Variants in ETS1 observed in about 807,000 individuals in gnomAD.
ETS1 encodes ETS proto-oncogene 1, transcription factor, also known as protein C-ets-1.
Under a neutral mutation model 58.6 loss-of-function variants are expected in ETS1, and 15 were observed. The observed-to-expected ratio is 0.26, with a 90% CI of 0.17 to 0.39. The LOEUF (loss-of-function observed/expected upper bound fraction) is 0.39, where lower values mean the gene tolerates loss of function less well. ETS1 is among the 10% of genes least tolerant of loss of function. The probability of loss-of-function intolerance (pLI) is 1.00; values close to 1 mark genes in which losing one functional copy is unlikely to be tolerated. For missense variants in ETS1, 417 were observed against 610.5 expected, an observed-to-expected ratio of 0.68 and a Z score of 3.34; for synonymous variants, 214 against 218.2, an observed-to-expected ratio of 0.98 and a Z score of 0.17.
chr11:128,569,780 T>C lies in ETS1; in HGVS notation c.69+3282A>G, dbSNP rs1036016279. Among the ~76,000 whole-genome samples, 195 of 152,330 alleles carry C rather than the reference T, an allele frequency of 1.3e-3. 1 individual carries two copies. The highest frequency in any genetic ancestry group is 4.5e-3 in the African/African-American group (186 of 41,570). On this transcript the variant is annotated intron_variant, in intron 2 of 9. Coordinates refer to ENST00000392668, the MANE Select transcript of ETS1 (RefSeq NM_001143820.2). Reference sequence around the variant, plus strand: ...TCTTTGCTTGCTCTGGAAGGTTGCCTAAATCGTTTCAGGGACAGAGAAACT... The same window carrying C: ...TCTTTGCTTGCTCTGGAAGGTTGCCCAAATCGTTTCAGGGACAGAGAAACT...
At chr11:128,533,018 C>T (rs1054459795) in intron 3 of ETS1, among the ~76,000 whole-genome samples, 2 of 152,152 alleles carry the variant, frequency 1.3e-5, no homozygotes, top group Non-Finnish European at 2.9e-5. Context: ...TAGTGATAGA[C>T]AAGCCAATGT....
At chr11:128,516,676 C>G (rs544067646) in intron 3 of ETS1, among the ~76,000 whole-genome samples, 1 of 152,062 alleles carries the variant, frequency 6.6e-6, no homozygotes, top group South Asian at 2.1e-4. Flanking sequence ...TGTGCCAGGA[C>G]AACTCCAGAC....
chr11:128,577,836 G>A (rs1383321240), intron 1 of ETS1, among the ~76,000 whole-genome samples: 1 of 151,522 alleles, frequency 6.6e-6, no homozygotes, highest in Non-Finnish European at 1.5e-5. Context: ...ATAAACGTGT[G>A]CAATGCTAAG....
At chr11:128,485,968 T>A in intron 6 of ETS1, 101 bp downstream of exon 6, 1 of 722,420 alleles carries the variant, frequency 1.4e-6, no homozygotes, top group South Asian at 1.7e-5. Context: ...AAGATATTAT[T>A]TTTGATAGAA....
intron 5 of ETS1, among the ~76,000 whole-genome samples, chr11:128,487,439 G>A (rs1406550807): frequency 6.6e-6 from 1 of 152,150 alleles, no homozygotes; most frequent in Non-Finnish European, 1.5e-5. Context: ...TAAATTTTAA[G>A]TTAAATAAAA....
intron 2 of ETS1, among the ~76,000 whole-genome samples, chr11:128,567,103 G>A (rs1476818663): frequency 6.6e-6 from 1 of 152,244 alleles, no homozygotes; most frequent in Non-Finnish European, 1.5e-5. Flanking sequence ...GAGCTGCTCT[G>A]AGGGCCGTGG....
intron 2 of ETS1, among the ~76,000 whole-genome samples, chr11:128,566,053 C>T (rs1401318536): frequency 1.3e-5 from 2 of 152,172 alleles, no homozygotes; most frequent in Non-Finnish European, 2.9e-5. Context: ...GATAAGAAAA[C>T]GAGGTCTGTT....
At chr11:128,513,550 T>C (rs1863444001) in intron 3 of ETS1, among the ~76,000 whole-genome samples, 1 of 152,218 alleles carries the variant, frequency 6.6e-6, no homozygotes, top group Admixed American at 6.5e-5. Context: ...GTCTTCCTTA[T>C]CATCTGTGAT....
chr11:128,554,654 A>G (rs1864285393), intron 3 of ETS1, among the ~76,000 whole-genome samples: 1 of 152,176 alleles, frequency 6.6e-6, no homozygotes, highest in African/African-American at 2.4e-5. Flanking sequence ...TCTTCAGGCT[A>G]TGAGCAAATG....
chr11:128,513,290 A>T (rs1320674683), intron 3 of ETS1, among the ~76,000 whole-genome samples: 1 of 152,210 alleles, frequency 6.6e-6, no homozygotes, highest in Non-Finnish European at 1.5e-5. Context: ...TGTTACCTAA[A>T]GTCATAAGAT....
chr11:128,485,128 G>C, intron 6 of ETS1, 57 bp from the exon 7 acceptor site: 11 of 1,524,074 alleles, frequency 7.2e-6, no homozygotes, highest in Non-Finnish European at 9.0e-6. Flanking sequence ...AAAATAAGCA[G>C]TTTTCACCAT....
chr11:128,490,676 A>G, intron 3 of ETS1, 100 bp from the exon 4 acceptor site: 1 of 890,736 alleles, frequency 1.1e-6, no homozygotes, highest in Non-Finnish European at 1.8e-6. Flanking sequence ...CTGAGAAACA[A>G]CTGTGCTAGC....
chr11:128,584,982 GAAAGA>G (rs1166528505), intron 1 of ETS1, among the ~76,000 whole-genome samples: 3 of 52,476 alleles, frequency 5.7e-5, no homozygotes, highest in African/African-American at 9.5e-5. Context: ...AAGAAAGAAA[GAAAGA>G]AAGGAAGGAA....
At chr11:128,532,960 C>A (rs1863921552) in intron 3 of ETS1, among the ~76,000 whole-genome samples, 2 of 152,320 alleles carry the variant, frequency 1.3e-5, no homozygotes, top group Middle Eastern at 3.4e-3. Context: ...TCTCCCCATG[C>A]AGGTCTCCTG....
At chr11:128,543,312 G>A (rs918985763) in intron 3 of ETS1, among the ~76,000 whole-genome samples, 2 of 152,072 alleles carry the variant, frequency 1.3e-5, no homozygotes, top group Non-Finnish European at 2.9e-5. Flanking sequence ...CAGGAAGAGC[G>A]AAAAGATTAT....
intron 3 of ETS1, 137 bp downstream of exon 3, chr11:128,556,154 G>T: frequency 1.4e-6 from 1 of 714,360 alleles, no homozygotes; most frequent in Non-Finnish European, 2.2e-6. Flanking sequence ...AGAAGGCCCG[G>T]GACTTTCCAT....
intron 3 of ETS1, among the ~76,000 whole-genome samples, chr11:128,498,972 T>G (rs933183140): frequency 6.6e-6 from 1 of 152,206 alleles, no homozygotes; most frequent in Non-Finnish European, 1.5e-5. Context: ...AGAGCCATGG[T>G]CTCTACATTA....
chr11:128,525,220 G>A (rs559727918), intron 3 of ETS1, among the ~76,000 whole-genome samples: 146 of 152,200 alleles, frequency 9.6e-4, no homozygotes, highest in African/African-American at 3.0e-3. Flanking sequence ...AGAAAAGTCC[G>A]CAGGAGTTGG....
rs147700852 is a variant in ETS1, at chr11:128,464,298, CAG to C, written c.1124-673_1124-672del. Among the ~76,000 whole-genome samples the C allele has an allele frequency of 8.6e-3, 1,303 of 150,798 alleles. 22 individuals carry two copies. Among genetic ancestry groups the C allele is most frequent in the African/African-American group, 0.03 (1,226 of 40,926 alleles). ...ATTAACGTGCCACCCAGAAAATCCT[CAG>C]GGGTCAGATGAGGACTGTCAGAAAT... On this transcript the variant is annotated intron_variant, in intron 8 of 9. Coordinates refer to ENST00000392668, the MANE Select transcript of ETS1 (RefSeq NM_001143820.2). The surrounding 1 kb of genome is among the most constrained non-coding windows in gnomAD (Gnocchi z 4.1).
Sources: gnomAD v4.1 joint callset for allele counts (sites outside exome capture counted in the v4.1 genomes callset) on GRCh38, gnomAD v4.1.1 for gene constraint, Gnocchi (gnomAD v3.1) non-coding constraint, MANE v1.5 for transcripts, NCBI Gene and HGNC (gene_info 2026-07-23, HGNC 2026-07-21) for gene names.